The following PPFIBP2 variants were observed in gnomAD, a reference collection of about 807,000 sequenced individuals.
PPFIBP2 encodes the protein PPFIB scaffold protein 2, also known as liprin-beta-2.
A neutral mutation model predicts 118.3 loss-of-function variants in PPFIBP2; 118 were observed. The ratio of observed to expected loss-of-function variants is 1.00; its 90% confidence interval spans 0.86 to 1.16. PPFIBP2 has a LOEUF of 1.16. Among genes scored for constraint, PPFIBP2 ranks in the 50% most tolerant of loss-of-function variants. The probability of loss-of-function intolerance (pLI) is 0.00; values close to 1 mark genes in which losing one functional copy is unlikely to be tolerated. For synonymous variants in PPFIBP2, 414 were observed against 397.4 expected, an observed-to-expected ratio of 1.04 and a Z score of -0.50; for missense variants, 1,195 against 1,073.1, an observed-to-expected ratio of 1.11 and a Z score of -1.59.
chr11:7,581,321 C>A (rs973090811), intron 3 of PPFIBP2, among the ~76,000 whole-genome samples: 1 of 152,234 alleles, frequency 6.6e-6, no homozygotes, highest in African/African-American at 2.4e-5. Context: ...GGCAAGAGTT[C>A]ATTTTCCCAG....
chr11:7,586,475 C>T (rs886508507), intron 3 of PPFIBP2, among the ~76,000 whole-genome samples: 6 of 152,136 alleles, frequency 3.9e-5, no homozygotes, highest in African/African-American at 1.2e-4. Flanking sequence ...TTATATCACA[C>T]AGGAATTTTT....
intron 3 of PPFIBP2, among the ~76,000 whole-genome samples, chr11:7,590,738 A>G (rs1199941806): frequency 1.3e-5 from 2 of 152,228 alleles, no homozygotes; most frequent in African/African-American, 4.8e-5. Flanking sequence ...ATTAGTCTCC[A>G]TGGAATTGCT....
chr11:7,641,389 C>G, intron 15 of PPFIBP2, 90 bp from the exon 16 acceptor site: 1 of 1,425,150 alleles, frequency 7.0e-7, no homozygotes, highest in Non-Finnish European at 9.7e-7. Flanking sequence ...TCTCTGGACT[C>G]CCACTGAAGG....
At chr11:7,545,877 C>T (rs564132151) in intron 1 of PPFIBP2, among the ~76,000 whole-genome samples, 3 of 152,290 alleles carry the variant, frequency 2.0e-5, no homozygotes, top group Non-Finnish European at 2.9e-5. Context: ...AGCCCCACTC[C>T]CAATCCTCCC....
intron 17 of PPFIBP2, among the ~76,000 whole-genome samples, chr11:7,643,657 A>G (rs1852548843): frequency 6.6e-6 from 1 of 152,240 alleles, no homozygotes; most frequent in Admixed American, 6.5e-5. Context: ...ACTCTTAACT[A>G]GAAATTGATA....
intron 3 of PPFIBP2, among the ~76,000 whole-genome samples, chr11:7,570,455 T>A (rs1855539689): frequency 6.6e-6 from 1 of 152,134 alleles, no homozygotes; most frequent in Non-Finnish European, 1.5e-5. Flanking sequence ...ACATTGGGTA[T>A]GGGCCAAGGA....
chr11:7,573,053 T>A (rs1299927553), intron 3 of PPFIBP2, among the ~76,000 whole-genome samples: 1 of 152,234 alleles, frequency 6.6e-6, no homozygotes, highest in Non-Finnish European at 1.5e-5. Flanking sequence ...GTGCTGGGAA[T>A]ACAGGCATGA....
chr11:7,562,367 T>C (rs1419923080), intron 2 of PPFIBP2, among the ~76,000 whole-genome samples: 2 of 152,214 alleles, frequency 1.3e-5, no homozygotes, highest in Non-Finnish European at 2.9e-5. Flanking sequence ...ATAGGGATGA[T>C]TGAGTGTCCT....
intron 3 of PPFIBP2, chr11:7,576,785 T>G (rs1231665498): frequency 2.0e-5 from 3 of 152,262 alleles, no homozygotes; most frequent in Admixed American, 6.5e-5. Flanking sequence ...GTACCACCAG[T>G]GCCAAGGACA....
chr11:7,644,871 C>G (rs1264647104), intron 17 of PPFIBP2, among the ~76,000 whole-genome samples: 1 of 150,734 alleles, frequency 6.6e-6, no homozygotes, highest in Non-Finnish European at 1.5e-5. Flanking sequence ...ACTAAAAATA[C>G]AAAAAATTAG....
At chr11:7,582,306 G>T (rs1322712718) in intron 3 of PPFIBP2, among the ~76,000 whole-genome samples, 1 of 152,088 alleles carries the variant, frequency 6.6e-6, no homozygotes, top group African/African-American at 2.4e-5. Context: ...CAGTGGATAT[G>T]GTCACCCAAG....
chr11:7,638,231 C>T (rs191807512), intron 14 of PPFIBP2, among the ~76,000 whole-genome samples: 4,803 of 152,212 alleles, frequency 0.032, 105 homozygotes, highest in Middle Eastern at 0.092. Flanking sequence ...TACAAGTGCT[C>T]CAGGTAATTA....
chr11:7,641,929 T>G, intron 16 of PPFIBP2: 1 of 428,048 alleles, frequency 2.3e-6, no homozygotes, highest in Non-Finnish European at 4.2e-6. Flanking sequence ...GATGAGACTG[T>G]ATTCTCCCTT....
intron 5 of PPFIBP2, among the ~76,000 whole-genome samples, chr11:7,608,315 A>C (rs971069815): frequency 2.0e-5 from 3 of 152,188 alleles, no homozygotes; most frequent in African/African-American, 2.4e-5. Context: ...GACTAAAATG[A>C]GTTCTGGAGT....
chr11:7,648,584 C>T, intron 18 of PPFIBP2, 47 bp downstream of exon 18: 2 of 1,603,200 alleles, frequency 1.2e-6, no homozygotes, highest in Non-Finnish European at 1.7e-6. Flanking sequence ...CTCCCCAAAG[C>T]ATGGGGAGGC....
intron 1 of PPFIBP2, among the ~76,000 whole-genome samples, chr11:7,531,010 C>A (rs1231671751): frequency 6.6e-6 from 1 of 152,118 alleles, no homozygotes; most frequent in African/African-American, 2.4e-5. Flanking sequence ...CCCAGGAGAT[C>A]ATTAGACCTT....
At chr11:7,515,520 G>T (rs1012715076) in intron 1 of PPFIBP2, among the ~76,000 whole-genome samples, 1 of 152,196 alleles carries the variant, frequency 6.6e-6, no homozygotes, top group South Asian at 2.1e-4. Context: ...TTAAGAAAGG[G>T]TGATGTGATG....
intron 3 of PPFIBP2, among the ~76,000 whole-genome samples, chr11:7,581,814 C>T (rs1857295068): frequency 6.6e-6 from 1 of 151,904 alleles, no homozygotes; most frequent in Non-Finnish European, 1.5e-5. Flanking sequence ...TATGGATAAA[C>T]AATTCTATAG....
At chr11:7,591,400 C>T in intron 3 of PPFIBP2, among the ~76,000 whole-genome samples, 1 of 145,310 alleles carries the variant, frequency 6.9e-6, no homozygotes, top group Admixed American at 7.1e-5. Context: ...TCTCTGTCCA[C>T]TGGAAATCAC....
Sources: gnomAD v4.1 joint callset for allele counts (sites outside exome capture counted in the v4.1 genomes callset) on GRCh38, gnomAD v4.1.1 for gene constraint, MANE v1.5 for transcripts, NCBI Gene and HGNC (gene_info 2026-07-23, HGNC 2026-07-21) for gene names.